ACTR3C: variants seen among roughly 807,000 people sequenced by gnomAD.
ACTR3C encodes actin-related protein 3C.
Under a neutral mutation model 26.3 loss-of-function variants are expected in ACTR3C, and 18 were observed. The ratio of observed to expected loss-of-function variants is 0.68; its 90% CI spans 0.47 to 1.01. The LOEUF (loss-of-function observed/expected upper bound fraction) is 1.01. Ranked by LOEUF, ACTR3C falls within the 50% of genes least tolerant of loss-of-function variation. ACTR3C has a pLI of 0.00. For synonymous variants in ACTR3C, 55 were observed against 94.5 expected, an observed-to-expected ratio of 0.58 and a Z score of 2.42; for missense variants, 184 against 250.7, an observed-to-expected ratio of 0.73 and a Z score of 1.80.
chr7:150,297,589 T>C (rs1363405679), intron 1 of ACTR3C, among the ~76,000 whole-genome samples: 1 of 152,214 alleles, frequency 6.6e-6, no homozygotes, highest in Non-Finnish European at 1.5e-5. Context: ...CGGTGGCTCA[T>C]GCCTGTAATC....
chr7:150,299,488 A>AC (rs1379403701), intron 1 of ACTR3C, among the ~76,000 whole-genome samples: 5 of 144,252 alleles, frequency 3.5e-5, no homozygotes, highest in East Asian at 2.0e-4. Flanking sequence ...AAAAAAAAAA[A>AC]AAAAAACAAA....
chr7:150,025,377 TA>T, the ACTR3C span, among the ~76,000 whole-genome samples: 1 of 151,954 alleles, frequency 6.6e-6, no homozygotes, highest in African/African-American at 2.4e-5. Flanking sequence ...TATTAGCTAC[TA>T]GGGGGATTGT....
chr7:149,968,377 C>CA, the ACTR3C span, among the ~76,000 whole-genome samples: 1 of 152,246 alleles, frequency 6.6e-6, no homozygotes, highest in South Asian at 2.1e-4. Context: ...ACTAAAAATA[C>CA]AAAAAATTAG....
At chr7:150,311,879 C>A (rs1449319459) in intron 1 of ACTR3C, among the ~76,000 whole-genome samples, 1 of 152,176 alleles carries the variant, frequency 6.6e-6, no homozygotes, top group African/African-American at 2.4e-5. Context: ...TGCACATTAA[C>A]ATTTACACTG....
chr7:150,203,648 C>A, the ACTR3C span, among the ~76,000 whole-genome samples: 1 of 152,150 alleles, frequency 6.6e-6, no homozygotes, highest in South Asian at 2.1e-4. Flanking sequence ...TCACTGCAAC[C>A]TCCACCTCCC....
the ACTR3C span, among the ~76,000 whole-genome samples, chr7:150,091,850 T>G: frequency 6.8e-6 from 1 of 147,040 alleles, no homozygotes. Context: ...TAGCCGGGCG[T>G]GGTGGCGGGC....
chr7:150,042,509 C>G, the ACTR3C span, among the ~76,000 whole-genome samples: 391 of 147,454 alleles, frequency 2.7e-3, 6 homozygotes, highest in African/African-American at 9.4e-3. Flanking sequence ...GGGATTGCCT[C>G]GCCCCCTGCG....
chr7:149,902,223 A>C, the ACTR3C span, among the ~76,000 whole-genome samples: 1 of 151,926 alleles, frequency 6.6e-6, no homozygotes, highest in African/African-American at 2.4e-5. Context: ...TAAAGCTTGA[A>C]GGAATAAACA....
the ACTR3C span, among the ~76,000 whole-genome samples, chr7:149,938,012 C>T: frequency 6.6e-6 from 1 of 152,272 alleles, no homozygotes; most frequent in Non-Finnish European, 1.5e-5. Flanking sequence ...AAGAGTGAGA[C>T]ACCCTTCCCA....
the ACTR3C span, among the ~76,000 whole-genome samples, chr7:149,924,884 T>A: frequency 7.0e-4 from 107 of 152,236 alleles, no homozygotes; most frequent in Non-Finnish European, 1.2e-3. Flanking sequence ...TGCTTCGGCC[T>A]CCCAAAGTGC....
chr7:150,147,969 G>A, the ACTR3C span, among the ~76,000 whole-genome samples: 1 of 147,576 alleles, frequency 6.8e-6, no homozygotes, highest in Admixed American at 6.8e-5. Context: ...CACATAGAGG[G>A]GAACAACACA....
At chr7:150,239,131 C>T (rs1333596549), downstream of ACTR3C, among the ~76,000 whole-genome samples, 1 of 151,988 alleles carries the variant, frequency 6.6e-6, no homozygotes, top group African/African-American at 2.4e-5. Flanking sequence ...CTTTTCTTTC[C>T]CTGATTCTGT....
the ACTR3C span, among the ~76,000 whole-genome samples, chr7:150,168,355 C>T: frequency 6.6e-6 from 1 of 150,786 alleles, no homozygotes; most frequent in Non-Finnish European, 1.5e-5. Context: ...CTAGTCTGTG[C>T]ACTCCTTATG....
chr7:149,909,137 AAG>A, the ACTR3C span, among the ~76,000 whole-genome samples: 1 of 151,664 alleles, frequency 6.6e-6, no homozygotes, highest in Admixed American at 6.6e-5. Context: ...ACAGGAAATA[AAG>A]AGTGAGTAGA....
chr7:149,893,923 G>GA, the ACTR3C span, among the ~76,000 whole-genome samples: 3 of 152,096 alleles, frequency 2.0e-5, no homozygotes, highest in African/African-American at 7.2e-5. Context: ...CACAGAAATA[G>GA]AAAAAATAAT....
the ACTR3C span, among the ~76,000 whole-genome samples, chr7:150,176,251 T>C: frequency 1.3e-5 from 2 of 150,820 alleles, no homozygotes; most frequent in Non-Finnish European, 2.9e-5. Flanking sequence ...CCACATGATT[T>C]CTCTTTTTCA....
the ACTR3C span, among the ~76,000 whole-genome samples, chr7:150,230,218 C>T: frequency 0.06 from 9,034 of 151,796 alleles, 484 homozygotes; most frequent in African/African-American, 0.14. Context: ...GGGCAAGACT[C>T]CATCTCAAAA....
chr7:150,079,916 A>G, the ACTR3C span, among the ~76,000 whole-genome samples: 1 of 151,996 alleles, frequency 6.6e-6, no homozygotes, highest in Non-Finnish European at 1.5e-5. Flanking sequence ...CAGGTCTCTG[A>G]TCTGTTTTGG....
At chr7:150,255,643 C>T (rs1484756785) in intron 6 of ACTR3C, among the ~76,000 whole-genome samples, 3 of 152,124 alleles carry the variant, frequency 2.0e-5, no homozygotes, top group African/African-American at 7.2e-5. Context: ...TTGCTAGTAA[C>T]TAGCAGGAGA....
Sources: gnomAD v4.1 joint callset for allele counts (sites outside exome capture counted in the v4.1 genomes callset) on GRCh38, gnomAD v4.1.1 for gene constraint, MANE v1.5 for transcripts, NCBI Gene and HGNC (gene_info 2026-07-23, HGNC 2026-07-21) for gene names.